Variants in SOX6 observed in about 807,000 individuals in gnomAD.
The protein encoded by SOX6 is SRY-box transcription factor 6.
Under a neutral mutation model 97.8 loss-of-function variants are expected in SOX6, and 11 were observed. The observed-to-expected ratio is 0.11, with a 90% confidence interval of 0.07 to 0.19. SOX6 has a LOEUF of 0.19. Among genes scored for constraint, SOX6 ranks in the 10% least tolerant of loss-of-function variants. The probability of loss-of-function intolerance (pLI) is 1.00; values close to 1 mark genes in which losing one functional copy is unlikely to be tolerated. For synonymous variants in SOX6, 360 were observed against 371.4 expected (o/e 0.97, Z 0.35); for missense variants, 810 against 1,039.5 (o/e 0.78, Z 3.04).
intron 4 of SOX6, among the ~76,000 whole-genome samples, chr11:16,534,899 A>G (rs988149260): frequency 2.6e-5 from 4 of 152,208 alleles, no homozygotes; most frequent in Non-Finnish European, 2.9e-5. Flanking sequence ...ATTCATCAAC[A>G]GTTATAGCTA....
At chr11:16,509,789 T>C (rs117850132) in intron 4 of SOX6, among the ~76,000 whole-genome samples, 4,789 of 152,126 alleles carry the variant, frequency 0.031, 107 homozygotes, top group Non-Finnish European at 0.052. Context: ...ACATACACTT[T>C]GGGAATATTT....
chr11:16,228,955 G>A (rs1015976195), intron 4 of SOX6, among the ~76,000 whole-genome samples: 23 of 152,166 alleles, frequency 1.5e-4, no homozygotes, highest in African/African-American at 5.5e-4. Context: ...GGTTTTTTAA[G>A]TAAAATCTAA....
chr11:16,234,900 T>C lies in SOX6; in HGVS notation c.446-229A>G, dbSNP rs1358843463. 4.6e-5 allele frequency among the ~76,000 whole-genome samples: 7 copies of C among 152,106 alleles called. No individual in the cohort carries two copies. The East Asian group carries it at 1.3e-3, about 29-fold the overall frequency. Reference sequence around the variant, plus strand: ...AAACTATCATCTAAGAGAAAAAAGATAATGCTCAATAATCTGTTTTAGTAT... The same window carrying C: ...AAACTATCATCTAAGAGAAAAAAGACAATGCTCAATAATCTGTTTTAGTAT... On this transcript the variant is annotated intron_variant, in intron 3 of 15. Coordinates refer to ENST00000683767, the MANE Select transcript of SOX6 (RefSeq NM_001367873.1).
chr11:16,198,226 T>C (rs1402899163), intron 4 of SOX6, among the ~76,000 whole-genome samples: 1 of 98,476 alleles, frequency 1.0e-5, no homozygotes. Flanking sequence ...GCTAATTTTT[T>C]TTTCTTTTTT....
intron 4 of SOX6, among the ~76,000 whole-genome samples, chr11:16,490,077 C>T (rs1344562965): frequency 6.6e-6 from 1 of 151,872 alleles, no homozygotes; most frequent in Non-Finnish European, 1.5e-5. Flanking sequence ...TAATTTTTGG[C>T]AATTATTAGC....
At position 16,623,589 on chromosome 11, in the gene SOX6, GT is replaced by G. The variant is rs368028616; in HGVS notation, n.430-11330del. Among the ~76,000 whole-genome samples, 412 of 152,162 alleles carry G rather than the reference GT, an allele frequency of 2.7e-3. 1 individual carries two copies. The highest frequency in any genetic ancestry group is 9.3e-3 in the African/African-American group (385 of 41,524). The stretch of plus-strand genomic sequence containing the variant: ...AATTAAGTCCCATCTATTTATCTTT[GT>G]TTTTGTCGCATTTGCTTTTGGTTTC... On this transcript the variant is annotated intron_variant and non_coding_transcript_variant, in intron 3 of 5. Coordinates refer to the SOX6 transcript ENST00000524520.
chr11:16,730,275 C>A (rs770420298), intron 2 of SOX6, among the ~76,000 whole-genome samples: 1 of 152,086 alleles, frequency 6.6e-6, no homozygotes. Flanking sequence ...CTCTCCACCC[C>A]AAATCAACAG....
At chr11:16,389,108 G>T (rs528006006) in intron 1 of SOX6, among the ~76,000 whole-genome samples, 2 of 151,678 alleles carry the variant, frequency 1.3e-5, no homozygotes, top group African/African-American at 4.8e-5. Flanking sequence ...TAAGAGACAG[G>T]GTCTCACTCT....
At chr11:16,577,388 T>A (rs1589992514) in intron 4 of SOX6, among the ~76,000 whole-genome samples, 1 of 152,232 alleles carries the variant, frequency 6.6e-6, no homozygotes, top group Non-Finnish European at 1.5e-5. Flanking sequence ...AAAGCCTTCT[T>A]TGTCCTATGT....
At chr11:16,006,109 T>C (rs1184831559) in intron 13 of SOX6, among the ~76,000 whole-genome samples, 1 of 152,026 alleles carries the variant, frequency 6.6e-6, no homozygotes, top group Non-Finnish European at 1.5e-5. Flanking sequence ...TAGTATGCGT[T>C]TGAATGAAAA....
intron 12 of SOX6, among the ~76,000 whole-genome samples, chr11:16,040,079 G>GCAA (rs998820505): frequency 6.6e-6 from 1 of 151,978 alleles, no homozygotes; most frequent in Non-Finnish European, 1.5e-5. Context: ...CAGAATGTAT[G>GCAA]CAACATTATT....
At chr11:16,299,356 G>A (rs1404237200) in intron 3 of SOX6, among the ~76,000 whole-genome samples, 2 of 152,052 alleles carry the variant, frequency 1.3e-5, no homozygotes, top group Admixed American at 6.6e-5. Context: ...TTAGAAAGCT[G>A]GTTGTTTTCA....
chr11:16,022,687 A>G (rs534995411), intron 12 of SOX6, among the ~76,000 whole-genome samples: 57 of 152,300 alleles, frequency 3.7e-4, no homozygotes, highest in Non-Finnish European at 7.2e-4. Context: ...TGCTGGGATT[A>G]CAGGCATGAG....
intron 2 of SOX6, among the ~76,000 whole-genome samples, chr11:16,721,165 T>C (rs1006826975): frequency 1.3e-5 from 2 of 152,152 alleles, no homozygotes; most frequent in African/African-American, 4.8e-5. Flanking sequence ...TGATTAAACT[T>C]AGGTTCAAGG....
At chr11:16,484,114 C>T (rs1860392127) in intron 4 of SOX6, 1 of 771,072 alleles carries the variant, frequency 1.3e-6, no homozygotes, top group South Asian at 1.3e-5. Context: ...ACAGGTGACA[C>T]TCAATCTGGT....
At chr11:16,425,589 C>T (rs549415013) in intron 1 of SOX6, among the ~76,000 whole-genome samples, 4 of 152,294 alleles carry the variant, frequency 2.6e-5, no homozygotes, top group African/African-American at 9.6e-5. Context: ...AGCCCAAAAG[C>T]TTCTTAGGCT....
chr11:16,310,551 T>G (rs1191764188), intron 3 of SOX6, among the ~76,000 whole-genome samples: 2 of 152,058 alleles, frequency 1.3e-5, no homozygotes, highest in Non-Finnish European at 2.9e-5. Context: ...GAGGAAAGAT[T>G]TTAAAGAGAA....
At chr11:16,437,521 T>A (rs1476851830) in intron 1 of SOX6, among the ~76,000 whole-genome samples, 2 of 152,238 alleles carry the variant, frequency 1.3e-5, no homozygotes, top group Non-Finnish European at 2.9e-5. Context: ...AAAGGTCTTA[T>A]AAGTAACTAG....
chr11:16,097,714 G>A (rs766561352), intron 7 of SOX6, 26 bp from the exon 8 acceptor site: 1 of 1,593,598 alleles, frequency 6.3e-7, no homozygotes, highest in Non-Finnish European at 8.6e-7. Flanking sequence ...ATGCATACAG[G>A]TTTAGACAAT....
Sources: allele counts gnomAD v4.1 joint callset (sites outside exome capture counted in the v4.1 genomes callset), GRCh38; gene constraint gnomAD v4.1.1; transcripts MANE v1.5; gene names NCBI Gene and HGNC (gene_info 2026-07-23, HGNC 2026-07-21).